MEIKIN: variants seen among roughly 807,000 people sequenced by gnomAD.
MEIKIN encodes meiosis-specific kinetochore protein.
intron 11 of MEIKIN, among the ~76,000 whole-genome samples, chr5:131,848,110 C>A (rs1750048962): frequency 6.6e-6 from 1 of 151,922 alleles, no homozygotes; most frequent in Admixed American, 6.6e-5. Context: ...AACTTTACAA[C>A]TTAAGGAACT....
At chr5:131,816,976 G>A (rs1773114653) in intron 12 of MEIKIN, among the ~76,000 whole-genome samples, 1 of 152,180 alleles carries the variant, frequency 6.6e-6, no homozygotes, top group African/African-American at 2.4e-5. Flanking sequence ...TTCCAGAAGA[G>A]ACTGGCATTT....
chr5:131,808,155 G>A (rs1772880352), intron 12 of MEIKIN, among the ~76,000 whole-genome samples: 1 of 152,164 alleles, frequency 6.6e-6, no homozygotes, highest in Non-Finnish European at 1.5e-5. Flanking sequence ...TTAAAGTCTG[G>A]GAAGTGCTGG....
At chr5:131,878,626 T>C (rs560579625) in intron 9 of MEIKIN, among the ~76,000 whole-genome samples, 1 of 152,172 alleles carries the variant, frequency 6.6e-6, no homozygotes, top group Admixed American at 6.5e-5. Flanking sequence ...TTCCAGGACT[T>C]TGGGAGGCTG....
At chr5:131,918,995 T>G (rs1751460674) in intron 6 of MEIKIN, among the ~76,000 whole-genome samples, 1 of 151,966 alleles carries the variant, frequency 6.6e-6, no homozygotes, top group Non-Finnish European at 1.5e-5. Flanking sequence ...AATAAAAAAT[T>G]TTTGCATGAC....
intron 11 of MEIKIN, among the ~76,000 whole-genome samples, chr5:131,822,034 T>C (rs146308729): frequency 2.0e-4 from 31 of 152,356 alleles, no homozygotes; most frequent in African/African-American, 7.0e-4. Flanking sequence ...CCCTTTATCT[T>C]TATGTAATAA....
At position 131,945,232 on chromosome 5, in the gene MEIKIN, T is replaced by C. The variant is rs532659662; in HGVS notation, c.124A>G (p.Lys42Glu). ...EAPPGSKRKG[K>E]VHGLSKIAEK... ...GCAATCTTCGACAAGCCGTGCACTT[T>C]GCCTTTTCTCTTCGAACCTGAGAGA... Residue 42 changes from lysine to glutamate, a missense_variant, in exon 2 of 13, where the codon AAA (lysine) becomes GAA (glutamate). By Grantham distance (56) the Lys-to-Glu change is moderately conservative (BLOSUM62 1). Transcript: ENST00000442687. 104 of 399,246 alleles carry C rather than the reference T, an allele frequency of 2.6e-4. No homozygotes were observed. The highest frequency in any genetic ancestry group is 1.5e-3 in the African/African-American group (71 of 48,768). 24.7% of individuals were successfully genotyped at this position (399,246 alleles called of 1,614,324 possible). A position where few individuals can be genotyped will look rare whatever the true frequency, so the allele number is the denominator to read the frequency against.
intron 4 of MEIKIN, among the ~76,000 whole-genome samples, chr5:131,936,126 C>T (rs190106520): frequency 2.2e-3 from 332 of 152,242 alleles, no homozygotes; most frequent in African/African-American, 5.9e-3. Flanking sequence ...TAAGGAAAGC[C>T]CACCATCTGG....
At chr5:131,917,022 T>TCCCCCCCC in intron 6 of MEIKIN, 97 bp from the exon 7 acceptor site, 1 of 385,012 alleles carries the variant, frequency 2.6e-6, no homozygotes, top group Non-Finnish European at 4.6e-6. Context: ...TTCATTTTTA[T>TCCCCCCCC]AACTTTTTAA....
At chr5:131,934,034 C>T (rs542490647) in intron 4 of MEIKIN, among the ~76,000 whole-genome samples, 1 of 152,230 alleles carries the variant, frequency 6.6e-6, no homozygotes, top group Non-Finnish European at 1.5e-5. Flanking sequence ...CAACCTCCGC[C>T]TCCCGGGTCC....
chr5:131,819,827 G>C (rs1011974069), intron 11 of MEIKIN, among the ~76,000 whole-genome samples: 4 of 130,424 alleles, frequency 3.1e-5, no homozygotes, highest in Non-Finnish European at 6.3e-5. Context: ...CCAGGCTGGA[G>C]TGCAGTGGCG....
At chr5:131,931,170 G>A (rs910242401) in intron 5 of MEIKIN, among the ~76,000 whole-genome samples, 3 of 152,122 alleles carry the variant, frequency 2.0e-5, no homozygotes, top group Non-Finnish European at 2.9e-5. Context: ...CCAAACCACC[G>A]TCTTTGTTGT....
chr5:131,880,915 T>G (rs1750692700), intron 8 of MEIKIN, among the ~76,000 whole-genome samples: 1 of 152,202 alleles, frequency 6.6e-6, no homozygotes, highest in Non-Finnish European at 1.5e-5. Flanking sequence ...TGAGCAATAT[T>G]TAGGACATAC....
rs1751422866 is a variant in MEIKIN at position 131,916,913 on chromosome 5, T to C, written c.611A>G (p.Glu204Gly). The C allele has an allele frequency of 5.0e-6, 2 of 397,492 alleles. No individual in the cohort carries two copies. Among genetic ancestry groups the C allele is most frequent in the Non-Finnish European group, 4.4e-6 (1 of 225,300 alleles). 24.6% of individuals were successfully genotyped at this position (397,492 alleles called of 1,614,324 possible). A position where few individuals can be genotyped will look rare whatever the true frequency, so the allele number is the denominator to read the frequency against. The change falls in exon 7 of 13, where the codon GAA (glutamate) becomes GGA (glycine). Residue 204 changes from glutamate to glycine, a missense_variant. By Grantham distance (98) the Glu-to-Gly change is moderately conservative. Transcript: ENST00000442687. ...NVSAIFSTSSEDYQKCHRKTV... is the reference protein window; with the variant it reads ...NVSAIFSTSSGDYQKCHRKTV... ...TTTTCTATGGCATTTCTGATAGTCTTCTGAAGAGGTACCTAGGAGAGAAAA... is the reference window on the plus strand; with the variant it reads ...TTTTCTATGGCATTTCTGATAGTCTCCTGAAGAGGTACCTAGGAGAGAAAA...
At chr5:131,837,580 G>A (rs760848305) in intron 11 of MEIKIN, among the ~76,000 whole-genome samples, 7 of 152,016 alleles carry the variant, frequency 4.6e-5, no homozygotes, top group Non-Finnish European at 7.4e-5. Flanking sequence ...CACCTCCCTA[G>A]TTAGCTGTAT....
chr5:131,940,230 A>G lies in MEIKIN; in HGVS notation c.349+2405T>C, dbSNP rs143773755. ...GCTGAATTTATTTTTGAAAAAGTTA[A>G]TAAGGCAAAGAAGGGAGAGGAAGAA... On this transcript the variant is annotated intron_variant, in intron 4 of 12. Coordinates refer to ENST00000442687, the MANE Select transcript of MEIKIN (RefSeq NM_001303622.2). Among the ~76,000 whole-genome samples the G allele has an allele frequency of 3.7e-3, 570 of 152,320 alleles. 4 individuals are homozygous for G. The highest frequency in any genetic ancestry group is 0.013 in the African/African-American group (539 of 41,576).
intron 11 of MEIKIN, among the ~76,000 whole-genome samples, chr5:131,832,919 G>A (rs1286424766): frequency 2.0e-5 from 3 of 152,308 alleles, no homozygotes; most frequent in Admixed American, 2.0e-4. Flanking sequence ...TTCCTCCTAG[G>A]CCTCCAGGCC....
At chr5:131,929,900 C>A (rs560751761) in intron 5 of MEIKIN, among the ~76,000 whole-genome samples, 1 of 152,142 alleles carries the variant, frequency 6.6e-6, no homozygotes, top group South Asian at 2.1e-4. Context: ...CCATGGTGTA[C>A]GTGTACTACA....
At chr5:131,935,604 G>T (rs749864529) in intron 4 of MEIKIN, among the ~76,000 whole-genome samples, 3 of 152,146 alleles carry the variant, frequency 2.0e-5, no homozygotes, top group African/African-American at 7.2e-5. Flanking sequence ...AACTGGTTGC[G>T]GGGGTCGGGG....
intron 11 of MEIKIN, among the ~76,000 whole-genome samples, chr5:131,820,625 G>A (rs1352823114): frequency 6.6e-6 from 1 of 152,164 alleles, no homozygotes; most frequent in African/African-American, 2.4e-5. Context: ...ATGTTTGGTA[G>A]AATTCAGTAG....
Sources: allele counts gnomAD v4.1 joint callset (sites outside exome capture counted in the v4.1 genomes callset), GRCh38; gene constraint gnomAD v4.1.1; transcripts MANE v1.5; gene names NCBI Gene and HGNC (gene_info 2026-07-23, HGNC 2026-07-21).